The following PTPRM variants were observed in gnomAD, a reference collection of about 807,000 sequenced individuals.
PTPRM encodes the protein receptor-type tyrosine-protein phosphatase mu.
Under a neutral mutation model 186.7 loss-of-function variants are expected in PTPRM, and 47 were observed. The observed-to-expected ratio is 0.25, with a 90% CI of 0.20 to 0.32. The LOEUF is 0.32. PTPRM is among the 10% of genes least tolerant of loss of function. The pLI, the probability that PTPRM is intolerant of heterozygous loss-of-function variation, is 1.00. For synonymous variants in PTPRM, 668 were observed against 674.9 expected (o/e 0.99, Z 0.16); for missense variants, 1,494 against 1,865.0 (o/e 0.80, Z 3.66).
At chr18:7,681,228 A>C (rs1157685217) in intron 1 of PTPRM, among the ~76,000 whole-genome samples, 1 of 152,104 alleles carries the variant, frequency 6.6e-6, no homozygotes, top group African/African-American at 2.4e-5. Context: ...GGATAAACTT[A>C]ATGAGCCCAT....
At position 8,126,025 on chromosome 18, in the gene PTPRM, A is replaced by ATTTTTT. The variant is rs1215694977; in HGVS notation, c.2167+11199_2167+11200insTTTTTT. 2.4e-3 allele frequency among the ~76,000 whole-genome samples: 135 copies of ATTTTTT among 57,212 alleles called. 5 individuals carry two copies. The highest frequency in any genetic ancestry group is 4.4e-3 in the African/African-American group (78 of 17,862). 37.5% of individuals were successfully genotyped at this position (57,212 alleles called of 152,430 possible). ...TATATATATATATATATATATATAT[A>ATTTTTT]TATTTTAAATCAGTAGACCTTTCCA... is the stretch of plus-strand genomic sequence containing the variant. On this transcript the variant is annotated intron_variant, in intron 13 of 32. Transcript: ENST00000580170.
At chr18:8,231,978 A>G (rs911309114) in intron 14 of PTPRM, among the ~76,000 whole-genome samples, 2 of 152,192 alleles carry the variant, frequency 1.3e-5, no homozygotes, top group Admixed American at 1.3e-4. Context: ...TGCACCTACT[A>G]TGGGTTTGAC....
chr18:7,784,367 A>G (rs2042999057), intron 2 of PTPRM, among the ~76,000 whole-genome samples: 1 of 152,064 alleles, frequency 6.6e-6, no homozygotes, highest in African/African-American at 2.4e-5. Context: ...TGCTCCAAGT[A>G]TGTCGCTCTC....
At chr18:8,378,105 G>T in intron 26 of PTPRM, 160 bp from the exon 27 acceptor site, 1 of 650,580 alleles carries the variant, frequency 1.5e-6, no homozygotes, top group South Asian at 2.0e-5. Flanking sequence ...TGTAATATTT[G>T]GCATTGCACC....
chr18:7,899,809 A>G (rs117781843), intron 3 of PTPRM, among the ~76,000 whole-genome samples: 3 of 151,916 alleles, frequency 2.0e-5, no homozygotes, highest in Non-Finnish European at 4.4e-5. Context: ...AATTTTTCTG[A>G]TATTTTGAGG....
At chr18:8,129,635 T>C (rs2092454694) in intron 13 of PTPRM, among the ~76,000 whole-genome samples, 1 of 152,222 alleles carries the variant, frequency 6.6e-6, no homozygotes, top group African/African-American at 2.4e-5. Flanking sequence ...TAAACACTTT[T>C]AGATTACTAT....
intron 7 of PTPRM, among the ~76,000 whole-genome samples, chr18:7,975,659 A>G (rs905144621): frequency 8.5e-5 from 13 of 152,290 alleles, no homozygotes; most frequent in Admixed American, 7.8e-4. Flanking sequence ...TAGCTAATGC[A>G]TTACCTTTTC....
rs1006562128 is a variant in PTPRM at position 7,758,078 on chromosome 18, C to G, written c.74-16071C>G. 2.6e-5 allele frequency among the ~76,000 whole-genome samples: 4 copies of G among 152,170 alleles called. No homozygotes were observed. In the East Asian group the frequency reaches 5.8e-4, roughly 22 times the overall value. ...TCCCAACAATTCTGATTCCGTAAAT[C>G]TAGAACGGGACTCAATATTCATGTG... On this transcript the variant is annotated intron_variant, in intron 1 of 32. Coordinates refer to ENST00000580170, the MANE Select transcript of PTPRM (RefSeq NM_001105244.2).
At chr18:7,755,843 T>C (rs2144682527) in intron 1 of PTPRM, among the ~76,000 whole-genome samples, 1 of 152,346 alleles carries the variant, frequency 6.6e-6, no homozygotes, top group Non-Finnish European at 1.5e-5. Flanking sequence ...CTATGGACTT[T>C]TAAGCTGAGA....
intron 2 of PTPRM, among the ~76,000 whole-genome samples, chr18:7,831,049 T>G (rs2045736587): frequency 6.6e-6 from 1 of 152,212 alleles, no homozygotes; most frequent in Non-Finnish European, 1.5e-5. Context: ...CAGAATTGTG[T>G]TCAGGCAGAG....
chr18:8,235,378 C>T (rs1045247785), intron 14 of PTPRM, among the ~76,000 whole-genome samples: 28 of 149,294 alleles, frequency 1.9e-4, no homozygotes, highest in African/African-American at 6.9e-4. Flanking sequence ...TCGTAATATT[C>T]TTTATTATCC....
At chr18:8,233,563 A>T (rs1568569340) in intron 14 of PTPRM, among the ~76,000 whole-genome samples, 1 of 152,142 alleles carries the variant, frequency 6.6e-6, no homozygotes, top group African/African-American at 2.4e-5. Context: ...ATACCAGTTC[A>T]TTACCAGGTA....
intron 1 of PTPRM, among the ~76,000 whole-genome samples, chr18:7,752,715 T>C (rs373564099): frequency 6.6e-6 from 1 of 152,276 alleles, no homozygotes. Context: ...GTGCTGGGAT[T>C]ACAGGCATGA....
chr18:7,634,537 T>C (rs1285008667), intron 1 of PTPRM, among the ~76,000 whole-genome samples: 2 of 152,230 alleles, frequency 1.3e-5, no homozygotes, highest in East Asian at 1.9e-4. Context: ...TCCTTATCTT[T>C]AATGCCCAAA....
intron 22 of PTPRM, among the ~76,000 whole-genome samples, chr18:8,339,489 C>T (rs929658761): frequency 6.6e-6 from 1 of 152,220 alleles, no homozygotes; most frequent in Non-Finnish European, 1.5e-5. Context: ...CTTGCAAACA[C>T]ATCTGTTCAC....
At chr18:7,846,301 G>T (rs141951974) in intron 2 of PTPRM, among the ~76,000 whole-genome samples, 205 of 152,294 alleles carry the variant, frequency 1.3e-3, no homozygotes, top group Non-Finnish European at 2.2e-3. Flanking sequence ...GGTGTTTTTG[G>T]TTGATTTGTT....
chr18:8,277,466 C>T (rs1285684516), intron 19 of PTPRM, among the ~76,000 whole-genome samples: 1 of 152,138 alleles, frequency 6.6e-6, no homozygotes, highest in African/African-American at 2.4e-5. Context: ...CAAAGGACAG[C>T]AAAGTGTATT....
At chr18:8,019,938 T>A (rs1276991628) in intron 7 of PTPRM, among the ~76,000 whole-genome samples, 1 of 151,634 alleles carries the variant, frequency 6.6e-6, no homozygotes, top group Non-Finnish European at 1.5e-5. Context: ...TAGGAAAAGA[T>A]CCTCCTGAGA....
intron 19 of PTPRM, among the ~76,000 whole-genome samples, chr18:8,266,604 C>T (rs1306132029): frequency 6.6e-6 from 1 of 152,144 alleles, no homozygotes; most frequent in Admixed American, 6.6e-5. Context: ...ACTTTTATGT[C>T]CATGATTGAA....
Sources: allele counts gnomAD v4.1 joint callset (sites outside exome capture counted in the v4.1 genomes callset), GRCh38; gene constraint gnomAD v4.1.1; transcripts MANE v1.5; gene names NCBI Gene and HGNC (gene_info 2026-07-23, HGNC 2026-07-21).